Variants in TMEM131 observed in about 807,000 individuals in gnomAD.
The protein encoded by TMEM131 is transmembrane protein 131.
TMEM131 carries 66 observed loss-of-function variants against 211.6 expected under a neutral mutation model. That is an observed-to-expected ratio of 0.31 (90% CI 0.26 to 0.38). The LOEUF (loss-of-function observed/expected upper bound fraction) is 0.38. Among genes scored for constraint, TMEM131 ranks in the 10% least tolerant of loss-of-function variants. TMEM131 has a pLI of 1.00. For synonymous variants in TMEM131, 844 were observed against 841.3 expected, an observed-to-expected ratio of 1.00 and a Z score of -0.06; for missense variants, 2,036 against 2,299.3, an observed-to-expected ratio of 0.89 and a Z score of 2.34.
intron 4 of TMEM131, among the ~76,000 whole-genome samples, chr2:97,869,044 G>A (rs143854668): frequency 6.6e-5 from 10 of 152,216 alleles, no homozygotes; most frequent in Non-Finnish European, 1.3e-4. Flanking sequence ...AAACAACAGC[G>A]CACAGAAATA....
At chr2:97,778,359 T>C (rs548646652) in intron 31 of TMEM131, among the ~76,000 whole-genome samples, 1 of 152,334 alleles carries the variant, frequency 6.6e-6, no homozygotes, top group South Asian at 2.1e-4. Context: ...GAGACCAGCC[T>C]GGCCAATATG....
intron 3 of TMEM131, among the ~76,000 whole-genome samples, chr2:97,897,385 C>G (rs1186906190): frequency 6.6e-6 from 1 of 152,008 alleles, no homozygotes; most frequent in East Asian, 1.9e-4. Flanking sequence ...AATCTTTTAC[C>G]ATTAATACCA....
At chr2:97,778,816 T>A (rs1256834620) in intron 31 of TMEM131, among the ~76,000 whole-genome samples, 2 of 152,156 alleles carry the variant, frequency 1.3e-5, no homozygotes, top group Non-Finnish European at 2.9e-5. Context: ...TCTGACAACT[T>A]CTTTGCTGAC....
chr2:97,807,820 T>C (rs1216577387), intron 19 of TMEM131, among the ~76,000 whole-genome samples: 2 of 105,034 alleles, frequency 1.9e-5, no homozygotes, highest in Non-Finnish European at 4.0e-5. Context: ...CATGGCTCTT[T>C]TGGATAAATA....
At chr2:97,784,533 G>GA (rs1285000554) in intron 31 of TMEM131, among the ~76,000 whole-genome samples, 4 of 150,918 alleles carry the variant, frequency 2.7e-5, no homozygotes, top group East Asian at 1.9e-4. Flanking sequence ...AGTCTCAAAA[G>GA]AAAAAAAATG....
intron 11 of TMEM131, among the ~76,000 whole-genome samples, chr2:97,822,795 C>T (rs1682193791): frequency 6.6e-6 from 1 of 152,212 alleles, no homozygotes; most frequent in Admixed American, 6.5e-5. Flanking sequence ...CAAACCAAAA[C>T]CACAGGCAGT....
chr2:97,837,314 C>T (rs1022943777), intron 7 of TMEM131, among the ~76,000 whole-genome samples, 157 bp from the exon 8 acceptor site: 3 of 152,170 alleles, frequency 2.0e-5, no homozygotes, highest in African/African-American at 7.2e-5. Context: ...AAATTCAGTG[C>T]TCTGTATGTG....
intron 1 of TMEM131, among the ~76,000 whole-genome samples, chr2:97,941,078 A>G (rs1677704072): frequency 1.3e-5 from 2 of 152,210 alleles, no homozygotes; most frequent in Non-Finnish European, 1.5e-5. Flanking sequence ...AAACTATACT[A>G]CAAGGCTACA....
intron 1 of TMEM131, among the ~76,000 whole-genome samples, chr2:97,967,020 T>TAAAA (rs1438782519): frequency 1.4e-5 from 2 of 146,448 alleles, no homozygotes; most frequent in South Asian, 4.3e-4. Flanking sequence ...GCCCACCACC[T>TAAAA]AAAACAAACA....
At position 97,815,174 on chromosome 2, in the gene TMEM131, G is replaced by T. The variant is rs201687757; in HGVS notation, c.1292+25C>A. 358 of 1,329,354 alleles carry T rather than the reference G, an allele frequency of 2.7e-4. 1 individual carries two copies. In the South Asian group the frequency reaches 4.9e-3, roughly 18 times the overall value. 82.3% of individuals were successfully genotyped at this position (1,329,354 alleles called of 1,614,324 possible). On this transcript the variant is annotated intron_variant, in intron 13 of 40. Coordinates refer to ENST00000186436, the MANE Select transcript of TMEM131 (RefSeq NM_015348.2). ...ATTTACTGATTAGTAAAAAGTAATAGAATTTATTTTAAAAAGAAACTCACC... is the reference window on the plus strand; with the variant it reads ...ATTTACTGATTAGTAAAAAGTAATATAATTTATTTTAAAAAGAAACTCACC...
intron 1 of TMEM131, among the ~76,000 whole-genome samples, chr2:97,962,444 C>CA (rs1304741239): frequency 6.6e-6 from 1 of 152,110 alleles, no homozygotes; most frequent in Non-Finnish European, 1.5e-5. Context: ...GTGGAGCTTG[C>CA]AGTGAGCTGA....
intron 15 of TMEM131, among the ~76,000 whole-genome samples, chr2:97,813,615 G>A (rs72946446): frequency 0.011 from 1,607 of 151,896 alleles, 32 homozygotes; most frequent in African/African-American, 0.037. Flanking sequence ...TCTTCCCTAC[G>A]TATATCCCTC....
intron 1 of TMEM131, among the ~76,000 whole-genome samples, chr2:97,988,904 T>C (rs1245790708): frequency 6.6e-6 from 1 of 152,220 alleles, no homozygotes; most frequent in Non-Finnish European, 1.5e-5. Flanking sequence ...ATCTCTCTTC[T>C]GGGTAGATAT....
chr2:97,847,050 G>A (rs1427852812), intron 5 of TMEM131, among the ~76,000 whole-genome samples: 3 of 137,726 alleles, frequency 2.2e-5, no homozygotes, highest in Admixed American at 7.3e-5. Context: ...GTGATGGCGC[G>A]TGCCTGTAGT....
At chr2:97,906,401 T>C (rs772425187) in intron 3 of TMEM131, among the ~76,000 whole-genome samples, 28 of 152,238 alleles carry the variant, frequency 1.8e-4, no homozygotes, top group Non-Finnish European at 2.9e-4. Flanking sequence ...TTGTAAATTC[T>C]GTCTACAAAC....
intron 3 of TMEM131, among the ~76,000 whole-genome samples, chr2:97,905,430 C>G (rs1308795989): frequency 6.6e-6 from 1 of 152,114 alleles, no homozygotes; most frequent in Non-Finnish European, 1.5e-5. Flanking sequence ...TTCTGTGTTA[C>G]TCTTGCTTCA....
intron 33 of TMEM131, among the ~76,000 whole-genome samples, chr2:97,770,700 G>C (rs1264078324): frequency 2.6e-5 from 4 of 152,154 alleles, no homozygotes; most frequent in East Asian, 1.9e-4. Context: ...TGTTCTATCT[G>C]CTTAACAATA....
intron 5 of TMEM131, among the ~76,000 whole-genome samples, chr2:97,859,055 G>T (rs1389336258): frequency 6.6e-6 from 1 of 152,180 alleles, no homozygotes; most frequent in Non-Finnish European, 1.5e-5. Flanking sequence ...AAAATAAAAT[G>T]TACTGAATGT....
chr2:97,944,901 A>G (rs1167599538), intron 1 of TMEM131, among the ~76,000 whole-genome samples: 1 of 152,230 alleles, frequency 6.6e-6, no homozygotes, highest in African/African-American at 2.4e-5. Flanking sequence ...ACAGTTGGGT[A>G]GTTATTAAAA....
Sources: allele counts gnomAD v4.1 joint callset (sites outside exome capture counted in the v4.1 genomes callset), GRCh38; gene constraint gnomAD v4.1.1; transcripts MANE v1.5; gene names NCBI Gene and HGNC (gene_info 2026-07-23, HGNC 2026-07-21).